MARCHF4: variants seen among roughly 807,000 people sequenced by gnomAD.
The protein encoded by MARCHF4 is E3 ubiquitin-protein ligase MARCHF4.
A neutral mutation model predicts 43.9 loss-of-function variants in MARCHF4; 14 were observed. The observed-to-expected ratio is 0.32, with a 90% CI of 0.21 to 0.50. MARCHF4 has a LOEUF of 0.50. Among genes scored for constraint, MARCHF4 ranks in the 20% least tolerant of loss-of-function variants. MARCHF4 has a pLI of 0.98. For synonymous variants in MARCHF4, 226 were observed against 213.3 expected, an observed-to-expected ratio of 1.06 and a Z score of -0.52; for missense variants, 468 against 536.7, an observed-to-expected ratio of 0.87 and a Z score of 1.27.
chr2:216,259,586 G>T lies in MARCHF4; in HGVS notation c.959C>A (p.Thr320Lys), dbSNP rs769353720. 1.2e-5 allele frequency: 20 copies of T among 1,614,080 alleles called. No homozygotes were observed. The South Asian group carries it at 1.3e-4, about 11-fold the overall frequency. The part of the protein sequence containing the change: ...QQWKVLNYDK[T>K]KDLEDQKAGG... ...TGCCTTTTGATCCTCCAGGTCTTTT[G>T]TCTTGTCATAGTTCAGCACTTTCCA... Residue 320 changes from threonine to lysine, a missense_variant, in exon 4 of 4, where the codon ACA (threonine) becomes AAA (lysine). Around this residue, in one of 3 missense-constraint regions of MARCHF4, gnomAD observed 120 missense variants for 127.1 expected, o/e 0.94. Coordinates refer to ENST00000273067, the MANE Select transcript of MARCHF4 (RefSeq NM_020814.3).
At chr2:216,349,267 T>G (rs1162435017) in intron 1 of MARCHF4, among the ~76,000 whole-genome samples, 2 of 152,238 alleles carry the variant, frequency 1.3e-5, no homozygotes, top group Non-Finnish European at 2.9e-5. Flanking sequence ...TCTCCTGTCT[T>G]AGCAGAAAGG....
chr2:216,290,935 T>C (rs1206394776), intron 1 of MARCHF4, among the ~76,000 whole-genome samples: 1 of 152,110 alleles, frequency 6.6e-6, no homozygotes, highest in Non-Finnish European at 1.5e-5. Flanking sequence ...GCCTGTTAGA[T>C]ATCCAGGAGG....
rs1485211227 is a variant in MARCHF4, at chr2:216,259,240, G to T, written c.*72C>A. 8 of 1,491,552 alleles carry T rather than the reference G, an allele frequency of 5.4e-6. No homozygotes were observed. The highest frequency in any genetic ancestry group is 6.2e-6 in the Non-Finnish European group (7 of 1,123,574). The allele number at this position is 1,491,552 out of a possible 1,614,324, so 92.4% of individuals were successfully genotyped here. A position where few individuals can be genotyped will look rare whatever the true frequency, so the allele number is the denominator to read the frequency against. On this transcript the variant is annotated 3_prime_UTR_variant, in exon 4 of 4. Coordinates refer to ENST00000273067, the MANE Select transcript of MARCHF4 (RefSeq NM_020814.3). ...CCTGCTCCCTCTGTTGGCTCTGGGGGTGCCACTGCACCTCCCCACCCTGCT... is the reference window on the plus strand; with the variant it reads ...CCTGCTCCCTCTGTTGGCTCTGGGGTTGCCACTGCACCTCCCCACCCTGCT...
chr2:216,264,637 G>A (rs1690815524), intron 3 of MARCHF4, among the ~76,000 whole-genome samples: 2 of 152,192 alleles, frequency 1.3e-5, no homozygotes. Flanking sequence ...GAGATGGGGT[G>A]TGGAGAGAGA....
At chr2:216,265,044 G>A (rs1005024116) in intron 3 of MARCHF4, among the ~76,000 whole-genome samples, 26 of 152,198 alleles carry the variant, frequency 1.7e-4, no homozygotes, top group African/African-American at 6.3e-4. Flanking sequence ...GATAGGAGCA[G>A]GTGACGTGGC....
At chr2:216,270,078 GA>G (rs970633395) in intron 3 of MARCHF4, among the ~76,000 whole-genome samples, 3 of 125,932 alleles carry the variant, frequency 2.4e-5, no homozygotes, top group African/African-American at 8.0e-5. Flanking sequence ...GCATCCACCA[GA>G]AATTTTTTTT....
At chr2:216,266,498 G>A (rs1015689393) in intron 3 of MARCHF4, among the ~76,000 whole-genome samples, 5 of 152,102 alleles carry the variant, frequency 3.3e-5, no homozygotes, top group African/African-American at 1.2e-4. Context: ...CCTCAGTCAA[G>A]TCATTGTTTA....
intron 1 of MARCHF4, among the ~76,000 whole-genome samples, chr2:216,340,054 C>T (rs1692213437): frequency 6.6e-6 from 1 of 152,136 alleles, no homozygotes; most frequent in African/African-American, 2.4e-5. Flanking sequence ...CCGTTATCCG[C>T]CTCTCCCTTT....
chr2:216,262,986 T>G (rs1020472714), intron 3 of MARCHF4, among the ~76,000 whole-genome samples: 1 of 152,048 alleles, frequency 6.6e-6, no homozygotes, highest in Non-Finnish European at 1.5e-5. Context: ...GCCTCCGGGG[T>G]ACAGGCCCAT....
intron 1 of MARCHF4, among the ~76,000 whole-genome samples, chr2:216,358,011 C>T (rs918536337): frequency 6.6e-6 from 1 of 152,174 alleles, no homozygotes; most frequent in African/African-American, 2.4e-5. Flanking sequence ...CAATAGCGAG[C>T]TTGTGAGGTC....
At chr2:216,316,659 G>A (rs1691782991) in intron 1 of MARCHF4, among the ~76,000 whole-genome samples, 1 of 152,138 alleles carries the variant, frequency 6.6e-6, no homozygotes, top group African/African-American at 2.4e-5. Flanking sequence ...CAGGAACTAA[G>A]AGTAGTGTCA....
chr2:216,297,993 T>A (rs1341764604), intron 1 of MARCHF4, among the ~76,000 whole-genome samples: 1 of 152,200 alleles, frequency 6.6e-6, no homozygotes, highest in African/African-American at 2.4e-5. Flanking sequence ...AGCTGGTATA[T>A]AACATATTAC....
At chr2:216,302,075 A>G (rs1691500200) in intron 1 of MARCHF4, among the ~76,000 whole-genome samples, 1 of 152,218 alleles carries the variant, frequency 6.6e-6, no homozygotes, top group Non-Finnish European at 1.5e-5. Flanking sequence ...TCAGGAAACT[A>G]TTTTGTGAGA....
At chr2:216,279,667 C>A (rs1691094588) in intron 2 of MARCHF4, among the ~76,000 whole-genome samples, 1 of 152,346 alleles carries the variant, frequency 6.6e-6, no homozygotes, top group East Asian at 1.9e-4. Context: ...GGAATTTTAA[C>A]TGTTGGGAAA....
At chr2:216,330,167 GATTTAT>G (rs1448147143) in intron 1 of MARCHF4, among the ~76,000 whole-genome samples, 1 of 151,884 alleles carries the variant, frequency 6.6e-6, no homozygotes, top group East Asian at 1.9e-4. Context: ...AGGCAAAGTA[GATTTAT>G]AGCATGAAGC....
intron 1 of MARCHF4, among the ~76,000 whole-genome samples, chr2:216,365,357 C>T (rs755836019): frequency 1.3e-5 from 2 of 152,252 alleles, no homozygotes; most frequent in Non-Finnish European, 2.9e-5. Flanking sequence ...GTCCTACTTT[C>T]CATTAGGGCC....
chr2:216,343,537 C>T (rs1229312465), intron 1 of MARCHF4, among the ~76,000 whole-genome samples: 2 of 152,064 alleles, frequency 1.3e-5, no homozygotes, highest in South Asian at 2.1e-4. Flanking sequence ...GTGCTGGGGG[C>T]GGTGCACAAA....
intron 2 of MARCHF4, among the ~76,000 whole-genome samples, chr2:216,278,300 T>C (rs964574148): frequency 5.9e-5 from 9 of 152,216 alleles, no homozygotes; most frequent in Non-Finnish European, 8.8e-5. Context: ...CTCGGCTCAT[T>C]GCAAGCTCCA....
intron 1 of MARCHF4, among the ~76,000 whole-genome samples, chr2:216,322,760 T>G (rs890630717): frequency 6.6e-6 from 1 of 152,078 alleles, no homozygotes; most frequent in Non-Finnish European, 1.5e-5. Context: ...AGGTGGAGGT[T>G]GCAGTGAGCC....
Sources: gnomAD v4.1 joint callset for allele counts (sites outside exome capture counted in the v4.1 genomes callset) on GRCh38, gnomAD v4.1.1 for gene constraint, gnomAD v4.1.1 regional missense constraint, MANE v1.5 for transcripts, NCBI Gene and HGNC (gene_info 2026-07-23, HGNC 2026-07-21) for gene names.